The following SVOPL variants were observed in gnomAD, a reference collection of about 807,000 sequenced individuals.
The protein encoded by SVOPL is putative transporter SVOPL.
Under a neutral mutation model 61.0 loss-of-function variants are expected in SVOPL, and 60 were observed. That is an observed-to-expected ratio of 0.98 (90% CI 0.80 to 1.22). The LOEUF (loss-of-function observed/expected upper bound fraction) is 1.22, where lower values mean the gene tolerates loss of function less well. SVOPL is among the 50% of genes most tolerant of loss of function. The pLI is 0.00. For missense variants in SVOPL, 662 were observed against 643.9 expected, an observed-to-expected ratio of 1.03 and a Z score of -0.30; for synonymous variants, 279 against 250.0, an observed-to-expected ratio of 1.12 and a Z score of -1.09.
chr7:138,646,867 G>A (rs544139297), intron 8 of SVOPL, among the ~76,000 whole-genome samples: 1 of 152,224 alleles, frequency 6.6e-6, no homozygotes, highest in South Asian at 2.1e-4. Flanking sequence ...TCTGCCCACA[G>A]GAAGCAAGTG....
At chr7:138,649,298 G>GTT (rs1364096267) in intron 7 of SVOPL, among the ~76,000 whole-genome samples, 161 bp from the exon 8 acceptor site, 1 of 147,878 alleles carries the variant, frequency 6.8e-6, no homozygotes, top group African/African-American at 2.4e-5. Flanking sequence ...TTTGCCTTTT[G>GTT]TTTTGTTTTG....
intron 6 of SVOPL, among the ~76,000 whole-genome samples, chr7:138,657,595 G>T (rs796375869): frequency 3.5e-4 from 54 of 152,270 alleles, no homozygotes; most frequent in African/African-American, 1.2e-3. Flanking sequence ...TATTCCATCA[G>T]TTTTCTAATT....
chr7:138,642,287 CAA>C (rs79469915), intron 9 of SVOPL, among the ~76,000 whole-genome samples: 74,129 of 111,646 alleles, frequency 0.66, 24,160 homozygotes, highest in Middle Eastern at 0.78. Flanking sequence ...GGAAATTAGC[CAA>C]AAAAAAAAAA....
intron 4 of SVOPL, among the ~76,000 whole-genome samples, chr7:138,670,722 T>C (rs1286495310): frequency 9.2e-5 from 14 of 152,194 alleles, no homozygotes; most frequent in Admixed American, 9.2e-4. Context: ...TGTTCTCTAT[T>C]GCAATTCCTC....
intron 14 of SVOPL, among the ~76,000 whole-genome samples, chr7:138,611,641 A>G (rs1339273656): frequency 2.0e-5 from 3 of 152,056 alleles, no homozygotes; most frequent in Admixed American, 1.3e-4. Context: ...TTTATATAGG[A>G]CAAAAAGATC....
Position 138,628,185 on chromosome 7 carries a change from T to G in SVOPL, c.1042A>C (p.Ile348Leu). 3.7e-6 allele frequency: 6 copies of G among 1,614,102 alleles called. No individual in the cohort carries two copies. Among genetic ancestry groups the G allele is most frequent in the Non-Finnish European group, 5.1e-6 (6 of 1,180,022 alleles). Residue 348 changes from isoleucine to leucine, a missense_variant, in exon 11 of 16, where the codon ATC (isoleucine) becomes CTC (leucine). Coordinates refer to ENST00000674285, the MANE Select transcript of SVOPL (RefSeq NM_001139456.2). ...MFAPSDYRTMIISTIGEIALN... is the reference protein window; with the variant it reads ...MFAPSDYRTMLISTIGEIALN... ...GCAATTTCACCGATGGTGCTGATGA[T>G]CATGGTCCGATAGTCAGAGGGTGCA...
intron 5 of SVOPL, chr7:138,660,223 G>A: frequency 8.1e-7 from 1 of 1,238,470 alleles, no homozygotes; most frequent in Non-Finnish European, 1.0e-6. Flanking sequence ...ACCATGCTGT[G>A]CCCACCCTCA....
At chr7:138,628,496 C>A (rs1226089739) in intron 10 of SVOPL, 133 bp from the exon 11 acceptor site, 3 of 850,332 alleles carry the variant, frequency 3.5e-6, no homozygotes, top group East Asian at 5.3e-5. Context: ...AGACGCCACA[C>A]AGAGCATTCG....
At chr7:138,676,429 G>A (rs372585137) in intron 3 of SVOPL, among the ~76,000 whole-genome samples, 2 of 152,056 alleles carry the variant, frequency 1.3e-5, no homozygotes, top group African/African-American at 4.8e-5. Context: ...ACTCCCTCGT[G>A]TCCTTCGAGA....
At chr7:138,620,921 G>A (rs1050285719) in intron 14 of SVOPL, 125 bp downstream of exon 14, 13 of 847,282 alleles carry the variant, frequency 1.5e-5, no homozygotes, top group East Asian at 1.1e-4. Context: ...GCAGGGAAAC[G>A]GCACCTCCAG....
Position 138,594,353 on chromosome 7 carries a change from T to A in SVOPL, c.*257A>T. Reference sequence around the variant, plus strand: ...TTGATTTCAATGAAGAAAAGCCATCTTCCCCCCCACCATCTCCCTCTCACA... The same window carrying A: ...TTGATTTCAATGAAGAAAAGCCATCATCCCCCCCACCATCTCCCTCTCACA... On this transcript the variant is annotated 3_prime_UTR_variant, in exon 16 of 16. Coordinates refer to ENST00000674285, the MANE Select transcript of SVOPL (RefSeq NM_001139456.2). The A allele has an allele frequency of 3.4e-6, 1 of 290,926 alleles. No individual in the cohort carries two copies. The highest frequency in any genetic ancestry group is 6.3e-6 in the Non-Finnish European group (1 of 158,234). 18.0% of individuals were successfully genotyped at this position (290,926 alleles called of 1,614,324 possible).
At chr7:138,620,928 C>G in intron 14 of SVOPL, 118 bp downstream of exon 14, 1 of 929,498 alleles carries the variant, frequency 1.1e-6, no homozygotes, top group Non-Finnish European at 1.7e-6. Context: ...AACGGCACCT[C>G]CAGAAAACTC....
At chr7:138,687,021 C>T in intron 1 of SVOPL, among the ~76,000 whole-genome samples, 1 of 152,220 alleles carries the variant, frequency 6.6e-6, no homozygotes, top group African/African-American at 2.4e-5. Context: ...ATGAAATTCT[C>T]CCTCTCAAGA....
At position 138,649,027 on chromosome 7, in the gene SVOPL, G is replaced by A. The variant is rs866781915; in HGVS notation, c.645C>T (p.Leu215=). 3 of 1,613,904 alleles carry A rather than the reference G, an allele frequency of 1.9e-6. No individual in the cohort carries two copies. Among genetic ancestry groups the A allele is most frequent in the African/African-American group, 2.7e-5 (2 of 74,984 alleles). Residue 215 remains leucine (L), a synonymous_variant, in exon 8 of 16, where the codon CTC becomes CTT. Coordinates refer to ENST00000674285, the MANE Select transcript of SVOPL (RefSeq NM_001139456.2). ...IRVASIPGII[L]IVAFKFIPES... ...GCTTCCCCACCTTGAAGGCCACGAT[G>A]AGGATGATGCCCGGGATGGAGGCGA...
chr7:138,657,336 T>G (rs140844202), intron 6 of SVOPL, among the ~76,000 whole-genome samples: 1,774 of 152,012 alleles, frequency 0.012, 21 homozygotes, highest in South Asian at 0.058. Context: ...TTAAATTTTT[T>G]GTAGAGATGG....
At chr7:138,656,340 T>C in intron 7 of SVOPL, 108 bp downstream of exon 7, 1 of 1,096,572 alleles carries the variant, frequency 9.1e-7, no homozygotes, top group Non-Finnish European at 1.4e-6. Flanking sequence ...GATACTCGCT[T>C]AATTGCAGCG....
chr7:138,674,780 C>CA (rs1802516382), intron 3 of SVOPL, among the ~76,000 whole-genome samples: 1 of 151,362 alleles, frequency 6.6e-6, no homozygotes, highest in Non-Finnish European at 1.5e-5. Flanking sequence ...GGCGTGAACC[C>CA]AGGAGGCACA....
At chr7:138,687,786 C>T (rs544877877) in intron 1 of SVOPL, among the ~76,000 whole-genome samples, 3 of 149,264 alleles carry the variant, frequency 2.0e-5, no homozygotes, top group South Asian at 2.1e-4. Flanking sequence ...TCTTACAACT[C>T]GATAATAAAA....
intron 1 of SVOPL, among the ~76,000 whole-genome samples, chr7:138,695,376 G>T (rs1336930909): frequency 1.3e-5 from 2 of 152,146 alleles, no homozygotes; most frequent in African/African-American, 2.4e-5. Flanking sequence ...AGTGGGTGTG[G>T]TGGAGCCCAC....
Sources: gnomAD v4.1 joint callset for allele counts (sites outside exome capture counted in the v4.1 genomes callset) on GRCh38, gnomAD v4.1.1 for gene constraint, MANE v1.5 for transcripts, NCBI Gene and HGNC (gene_info 2026-07-23, HGNC 2026-07-21) for gene names.